Variants in CMSS1 observed in about 807,000 individuals in gnomAD.
CMSS1 encodes cms1 ribosomal small subunit homolog.
In CMSS1, 33 loss-of-function variants were observed where a neutral mutation model predicts 43.5. That is an observed-to-expected ratio of 0.76 (90% CI 0.57 to 1.01). The LOEUF is 1.01. Ranked by LOEUF, CMSS1 falls within the 50% of genes least tolerant of loss-of-function variation. The pLI is 0.00. For synonymous variants in CMSS1, 115 were observed against 117.2 expected, an observed-to-expected ratio of 0.98 and a Z score of 0.12; for missense variants, 313 against 326.4, an observed-to-expected ratio of 0.96 and a Z score of 0.32.
chr3:100,010,887 A>G (rs1387537834), intron 1 of CMSS1, among the ~76,000 whole-genome samples: 1 of 146,612 alleles, frequency 6.8e-6, no homozygotes, highest in Non-Finnish European at 1.5e-5. Context: ...TCAGCCTCCC[A>G]AAGTGCTGGG....
chr3:100,126,108 T>A (rs1341982342), intron 1 of CMSS1, among the ~76,000 whole-genome samples: 1 of 152,226 alleles, frequency 6.6e-6, no homozygotes, highest in Non-Finnish European at 1.5e-5. Flanking sequence ...AAATTGTCAC[T>A]CTACCCATAT....
intron 1 of CMSS1, among the ~76,000 whole-genome samples, chr3:100,091,422 T>C (rs1576046623): frequency 6.6e-6 from 1 of 152,262 alleles, no homozygotes; most frequent in East Asian, 1.9e-4. Context: ...TTGGAAAGAC[T>C]CATGTTTTGT....
At chr3:99,878,148 T>G (rs1213765368) in intron 1 of CMSS1, among the ~76,000 whole-genome samples, 2 of 152,228 alleles carry the variant, frequency 1.3e-5, no homozygotes, top group African/African-American at 4.8e-5. Flanking sequence ...AATGTGTTAC[T>G]CCTGAAACAT....
intron 1 of CMSS1, among the ~76,000 whole-genome samples, chr3:100,037,386 A>G (rs181614877): frequency 3.2e-4 from 48 of 152,326 alleles, no homozygotes; most frequent in African/African-American, 1.2e-3. Flanking sequence ...TTTTTGTAGT[A>G]TTCTTGCAAA....
chr3:99,935,857 G>A (rs751740658), intron 1 of CMSS1, among the ~76,000 whole-genome samples: 1 of 152,214 alleles, frequency 6.6e-6, no homozygotes, highest in African/African-American at 2.4e-5. Flanking sequence ...TGGTAAGGAT[G>A]TGTCCATGCA....
intron 1 of CMSS1, among the ~76,000 whole-genome samples, chr3:99,914,237 A>G (rs1039089188): frequency 6.6e-6 from 1 of 152,180 alleles, no homozygotes; most frequent in African/African-American, 2.4e-5. Context: ...TTGATATAGG[A>G]TATATGAAGG....
intron 1 of CMSS1, among the ~76,000 whole-genome samples, chr3:100,098,228 C>CACGGG (rs1183456746): frequency 6.6e-6 from 1 of 152,184 alleles, no homozygotes; most frequent in African/African-American, 2.4e-5. Flanking sequence ...AAACAAACTA[C>CACGGG]ACGGTACCTG....
chr3:99,897,980 T>G (rs1706313359), intron 1 of CMSS1: 1 of 152,224 alleles, frequency 6.6e-6, no homozygotes, highest in Non-Finnish European at 1.5e-5. Context: ...ATATCCTACC[T>G]CCAATTCTGA....
intron 1 of CMSS1, among the ~76,000 whole-genome samples, chr3:99,953,941 C>T (rs909201882): frequency 1.3e-5 from 2 of 152,222 alleles, no homozygotes; most frequent in African/African-American, 2.4e-5. Flanking sequence ...TGCCTCTCTT[C>T]CCACATTGTA....
At chr3:99,961,990 C>A (rs1427669160) in intron 1 of CMSS1, among the ~76,000 whole-genome samples, 2 of 152,124 alleles carry the variant, frequency 1.3e-5, no homozygotes, top group Non-Finnish European at 2.9e-5. Context: ...ATTATAGGGG[C>A]CCCAAATTTA....
intron 1 of CMSS1, among the ~76,000 whole-genome samples, chr3:99,926,624 G>A (rs1427455837): frequency 1.3e-5 from 2 of 152,200 alleles, no homozygotes; most frequent in African/African-American, 2.4e-5. Flanking sequence ...TAGAATTAAT[G>A]TATGAATAAT....
rs61630053 is a variant in CMSS1, at chr3:100,021,960, TGAGAGAGAGA to T, written c.65-124988_65-124979del. Among the ~76,000 whole-genome samples the T allele has an allele frequency of 8.5e-3, 791 of 93,220 alleles. 6 individuals are homozygous for T. The highest frequency in any genetic ancestry group is 0.021 in the African/African-American group (522 of 24,806). The allele number at this position is 93,220 out of a possible 152,430, so 61.2% of individuals were successfully genotyped here. On this transcript the variant is annotated intron_variant, in intron 1 of 9. Coordinates refer to ENST00000421999, the MANE Select transcript of CMSS1 (RefSeq NM_032359.4). ...GTGTGTGTGTGTGTGTGTGTGTGTG[TGAGAGAGAGA>T]GAGAGAGAGAGAGAGAGAGAGAGAT...
intron 7 of CMSS1, 77 bp downstream of exon 7, chr3:100,171,976 C>T (rs1009346678): frequency 2.2e-5 from 23 of 1,035,706 alleles, no homozygotes; most frequent in African/African-American, 9.7e-5. Flanking sequence ...TTCTCCTAAT[C>T]TCCTTAGCAC....
chr3:99,910,481 AAC>A (rs1457052819), intron 1 of CMSS1, among the ~76,000 whole-genome samples: 1 of 136,724 alleles, frequency 7.3e-6, no homozygotes, highest in African/African-American at 2.5e-5. Context: ...AAAGTAAACA[AAC>A]ACATGTCTTC....
chr3:100,071,665 G>T (rs1347067835), intron 1 of CMSS1, among the ~76,000 whole-genome samples: 5 of 152,102 alleles, frequency 3.3e-5, no homozygotes, highest in Non-Finnish European at 7.3e-5. Flanking sequence ...GATCTTCCTT[G>T]GTCCATTCTT....
At chr3:100,137,779 G>T (rs1434195306) in intron 1 of CMSS1, among the ~76,000 whole-genome samples, 5 of 152,038 alleles carry the variant, frequency 3.3e-5, no homozygotes, top group Non-Finnish European at 5.9e-5. Flanking sequence ...TGTTAGCCAG[G>T]ATGGTTTCGA....
At chr3:99,832,710 G>A (rs1180262181) in intron 1 of CMSS1, among the ~76,000 whole-genome samples, 1 of 96,874 alleles carries the variant, frequency 1.0e-5, no homozygotes, top group Non-Finnish European at 2.0e-5. Flanking sequence ...GCGTCGTGGC[G>A]CACTCCTGTA....
chr3:100,128,970 T>G (rs2066684499), intron 1 of CMSS1, among the ~76,000 whole-genome samples: 1 of 152,216 alleles, frequency 6.6e-6, no homozygotes, highest in African/African-American at 2.4e-5. Context: ...TGGCCTTTTT[T>G]TCTTTTGGCA....
At position 100,054,871 on chromosome 3, in the gene CMSS1, A is replaced by G. The variant is rs527884293; in HGVS notation, c.65-92102A>G. Among the ~76,000 whole-genome samples, 5 of 152,332 alleles carry G rather than the reference A, an allele frequency of 3.3e-5. No homozygotes were observed. The South Asian group carries it at 1.0e-3, about 32-fold the overall frequency. On this transcript the variant is annotated intron_variant, in intron 1 of 9. Transcript: ENST00000421999. Reference sequence around the variant, plus strand: ...TGCAAAAACTGAAATGTTCAGAAGTATGAGGTCATTTCAAATTTAGTCTCA... The same window carrying G: ...TGCAAAAACTGAAATGTTCAGAAGTGTGAGGTCATTTCAAATTTAGTCTCA...
Sources: allele counts gnomAD v4.1 joint callset (sites outside exome capture counted in the v4.1 genomes callset), GRCh38; gene constraint gnomAD v4.1.1; transcripts MANE v1.5; gene names NCBI Gene and HGNC (gene_info 2026-07-23, HGNC 2026-07-21).